Variants in CA10 observed in about 807,000 individuals in gnomAD.
CA10 encodes carbonic anhydrase-related protein 10.
A neutral mutation model predicts 44.2 loss-of-function variants in CA10; 14 were observed. The ratio of observed to expected loss-of-function variants is 0.32; its 90% confidence interval spans 0.21 to 0.50. The LOEUF (loss-of-function observed/expected upper bound fraction) is 0.50, where lower values mean the gene tolerates loss of function less well. Ranked by LOEUF, CA10 falls within the 20% of genes least tolerant of loss-of-function variation. The pLI, the probability that CA10 is intolerant of heterozygous loss-of-function variation, is 0.99. For missense variants in CA10, 350 were observed against 409.7 expected (o/e 0.85, Z 1.26); for synonymous variants, 159 against 141.6 (o/e 1.12, Z -0.87).
intron 4 of CA10, among the ~76,000 whole-genome samples, chr17:51,683,748 C>T (rs1914920429): frequency 1.3e-5 from 2 of 152,152 alleles, no homozygotes; most frequent in Admixed American, 1.3e-4. Context: ...GGACAAGCCA[C>T]CCACTGAAGG....
At chr17:52,033,755 C>T (rs1986536001) in intron 2 of CA10, among the ~76,000 whole-genome samples, 1 of 152,148 alleles carries the variant, frequency 6.6e-6, no homozygotes, top group Non-Finnish European at 1.5e-5. Context: ...GCTTGCATGG[C>T]TACTGTACAT....
At position 51,729,105 on chromosome 17, in the gene CA10, G is replaced by A. The variant is rs563843209; in HGVS notation, c.465+18528C>T. ...CCAGTGACTCCCGTTCCACCAGAGG[G>A]AAAGCCACAGTCCCAACACTGGCCC... On this transcript the variant is annotated intron_variant, in intron 4 of 8. Transcript: ENST00000451037. Among the ~76,000 whole-genome samples, 52 of 152,008 alleles carry A rather than the reference G, an allele frequency of 3.4e-4. 1 individual carries two copies. The highest frequency in any genetic ancestry group is 1.1e-3 in the African/African-American group (44 of 41,392).
intron 3 of CA10, among the ~76,000 whole-genome samples, chr17:51,814,563 A>G (rs1400829406): frequency 1.3e-5 from 2 of 152,242 alleles, no homozygotes; most frequent in Non-Finnish European, 2.9e-5. Context: ...GTTTGCTGAA[A>G]CATATAACCA....
At chr17:51,948,180 A>C (rs1983353752) in intron 2 of CA10, among the ~76,000 whole-genome samples, 2 of 151,950 alleles carry the variant, frequency 1.3e-5, no homozygotes, top group African/African-American at 2.4e-5. Flanking sequence ...GGTTCTCTCC[A>C]TTTTCAATCC....
chr17:51,792,727 T>C (rs943841051), intron 3 of CA10, among the ~76,000 whole-genome samples: 1 of 151,986 alleles, frequency 6.6e-6, no homozygotes, highest in African/African-American at 2.4e-5. Context: ...CAGTGAGGAG[T>C]CATAAATCAT....
intron 2 of CA10, among the ~76,000 whole-genome samples, chr17:51,938,111 T>C (rs1051018599): frequency 1.3e-5 from 2 of 152,132 alleles, no homozygotes; most frequent in African/African-American, 4.8e-5. Context: ...CACAGAACCA[T>C]CAGAAGGTGG....
chr17:51,844,884 C>T (rs1244401411), intron 3 of CA10, among the ~76,000 whole-genome samples: 1 of 152,128 alleles, frequency 6.6e-6, no homozygotes, highest in African/African-American at 2.4e-5. Flanking sequence ...AGAATGTGAC[C>T]TTATTAAGAA....
chr17:51,857,777 A>G (rs1979119967), intron 3 of CA10, among the ~76,000 whole-genome samples: 1 of 152,210 alleles, frequency 6.6e-6, no homozygotes, highest in African/African-American at 2.4e-5. Flanking sequence ...TGACACAAGC[A>G]CAATATTCTG....
chr17:51,683,256 C>G (rs970319443), intron 4 of CA10, among the ~76,000 whole-genome samples: 1 of 152,138 alleles, frequency 6.6e-6, no homozygotes, highest in Admixed American at 6.5e-5. Flanking sequence ...CATATCAGTT[C>G]CTTAGAGCTT....
rs989064528 is a variant in CA10 at position 51,831,698 on chromosome 17, A to G, written c.280-83880T>C. 2.7e-3 allele frequency among the ~76,000 whole-genome samples: 220 copies of G among 81,674 alleles called. 1 individual carries two copies. Among genetic ancestry groups the G allele is most frequent in the Admixed American group, 7.7e-3 (63 of 8,224 alleles). The allele number at this position is 81,674 out of a possible 152,430, so 53.6% of individuals were successfully genotyped here. Reference sequence around the variant, plus strand: ...CAGCAGCAGCAGCAGCAGCAGCAGCAGCAGCAGCAGCAGCAGCAGCAGCAG... The same window carrying G: ...CAGCAGCAGCAGCAGCAGCAGCAGCGGCAGCAGCAGCAGCAGCAGCAGCAG... On this transcript the variant is annotated intron_variant, in intron 3 of 8. Coordinates refer to ENST00000451037, the MANE Select transcript of CA10 (RefSeq NM_020178.5).
At chr17:51,778,993 A>T (rs1439302085) in intron 3 of CA10, among the ~76,000 whole-genome samples, 1 of 152,162 alleles carries the variant, frequency 6.6e-6, no homozygotes, top group African/African-American at 2.4e-5. Flanking sequence ...GCACCATTTT[A>T]TCTACAGCAA....
chr17:51,752,319 C>A (rs759962179), intron 3 of CA10, among the ~76,000 whole-genome samples: 13 of 151,134 alleles, frequency 8.6e-5, no homozygotes, highest in Non-Finnish European at 1.5e-4. Flanking sequence ...GGGTGCGCAG[C>A]ATGTTGGAAA....
intron 2 of CA10, among the ~76,000 whole-genome samples, chr17:52,009,711 A>G (rs1055984436): frequency 6.6e-6 from 1 of 152,020 alleles, no homozygotes; most frequent in African/African-American, 2.4e-5. Flanking sequence ...CACATTTTAA[A>G]TCAGAATGAG....
intron 4 of CA10, among the ~76,000 whole-genome samples, chr17:51,734,322 T>C (rs1916824407): frequency 6.6e-6 from 1 of 152,116 alleles, no homozygotes. Flanking sequence ...ATAGGCCTCT[T>C]GGTGCTGGAA....
At chr17:51,826,026 G>A (rs1907996382) in intron 3 of CA10, among the ~76,000 whole-genome samples, 1 of 152,212 alleles carries the variant, frequency 6.6e-6, no homozygotes, top group Non-Finnish European at 1.5e-5. Context: ...TTTGCATTGT[G>A]CAAAATAGCA....
intron 3 of CA10, among the ~76,000 whole-genome samples, chr17:51,926,584 G>C (rs910639534): frequency 2.0e-5 from 3 of 152,120 alleles, no homozygotes; most frequent in Admixed American, 2.0e-4. Context: ...CCTTCTGGAA[G>C]CTCCAAGGAA....
intron 1 of CA10, among the ~76,000 whole-genome samples, chr17:52,074,818 C>A (rs1273891348): frequency 2.0e-5 from 3 of 151,816 alleles, no homozygotes; most frequent in Non-Finnish European, 2.9e-5. Flanking sequence ...CCAAATATGG[C>A]CCATTGCCTG....
chr17:51,723,275 G>C (rs1014870257), intron 4 of CA10, among the ~76,000 whole-genome samples: 4 of 152,198 alleles, frequency 2.6e-5, no homozygotes, highest in Admixed American at 2.0e-4. Context: ...GTGACAGGGA[G>C]GATCAAGGTT....
At chr17:52,101,725 A>G (rs1439957791) in intron 1 of CA10, among the ~76,000 whole-genome samples, 1 of 152,180 alleles carries the variant, frequency 6.6e-6, no homozygotes, top group African/African-American at 2.4e-5. Flanking sequence ...TTGACTACTA[A>G]TAAGTTTCTC....
Sources: gnomAD v4.1 joint callset for allele counts (sites outside exome capture counted in the v4.1 genomes callset) on GRCh38, gnomAD v4.1.1 for gene constraint, MANE v1.5 for transcripts, NCBI Gene and HGNC (gene_info 2026-07-23, HGNC 2026-07-21) for gene names.